The following PLCG1 variants were observed in gnomAD, a reference collection of about 807,000 sequenced individuals.
PLCG1 encodes 1-phosphatidylinositol 4,5-bisphosphate phosphodiesterase gamma-1.
In PLCG1, 71 loss-of-function variants were observed where a neutral mutation model predicts 177.8. That is an observed-to-expected ratio of 0.40 (90% CI 0.33 to 0.49). PLCG1 has a LOEUF of 0.49. PLCG1 is among the 20% of genes least tolerant of loss of function. The pLI, the probability that PLCG1 is intolerant of heterozygous loss-of-function variation, is 0.72. For missense variants in PLCG1, 1,281 were observed against 1,709.0 expected (o/e 0.75, Z 4.42); for synonymous variants, 658 against 647.9 (o/e 1.02, Z -0.24).
In PLCG1 at chr20:41,163,020, T is replaced by G. The variant is rs1467221889; in HGVS notation, c.716+28T>G. On this transcript the variant is annotated intron_variant, in intron 7 of 31. Coordinates refer to ENST00000685551, the MANE Select transcript of PLCG1 (RefSeq NM_002660.3). This position sits in a 1 kb window ranked among gnomAD's most constrained non-coding sequence, Gnocchi z 5.2. ...TTGGTTTGGAGTGGGGAGGTGGGGT[T>G]TTCCCTGGGCCCCCTTCATCTCTCC... The G allele has an allele frequency of 6.2e-7, 1 of 1,610,908 alleles. No individual in the cohort carries two copies. The highest frequency in any genetic ancestry group is 8.5e-7 in the Non-Finnish European group (1 of 1,177,260).
At chr20:41,139,460 A>G (rs1224486576) in intron 1 of PLCG1, among the ~76,000 whole-genome samples, 1 of 152,214 alleles carries the variant, frequency 6.6e-6, no homozygotes, top group Admixed American at 6.5e-5. Context: ...AACCACGCAT[A>G]TTAGCAGGCA....
intron 24 of PLCG1, among the ~76,000 whole-genome samples, chr20:41,171,479 C>T (rs1315620766): frequency 6.7e-6 from 1 of 148,330 alleles, no homozygotes; most frequent in Non-Finnish European, 1.5e-5. Context: ...CCCAGCTACT[C>T]GGGAGGCTGA....
chr20:41,138,120 A>AT, intron 1 of PLCG1: 1 of 309,836 alleles, frequency 3.2e-6, no homozygotes, highest in Non-Finnish European at 5.9e-6. Flanking sequence ...AGGCCTAAAA[A>AT]TCCTCGCGGG....
At position 41,168,884 on chromosome 20, in the gene PLCG1, G is replaced by A; in HGVS notation, c.2483+14G>A. On this transcript the variant is annotated intron_variant, in intron 21 of 31. Transcript: ENST00000685551. ...AGAGGGAGGCTGGTAAGCCAGTGGT[G>A]TGGTAGGCCCAGAGTCCAAGGGCCC... 1 of 1,566,784 alleles carries A rather than the reference G, an allele frequency of 6.4e-7. No homozygotes were observed. The highest frequency in any genetic ancestry group is 8.8e-7 in the Non-Finnish European group (1 of 1,138,910).
intron 21 of PLCG1, 64 bp downstream of exon 21, chr20:41,168,934 A>C: frequency 8.1e-7 from 1 of 1,239,688 alleles, no homozygotes; most frequent in Non-Finnish European, 1.2e-6. Flanking sequence ...CCCCAAAGAC[A>C]TGCATTTGTG....
rs571045466 is a variant in PLCG1 at position 41,159,802 on chromosome 20, A to T, written c.370+44A>T. 1.2e-6 allele frequency: 2 copies of T among 1,613,814 alleles called. No homozygotes were observed. Among genetic ancestry groups the T allele is most frequent in the South Asian group, 2.2e-5 (2 of 91,076 alleles). On this transcript the variant is annotated intron_variant, in intron 2 of 31. Coordinates refer to ENST00000685551, the MANE Select transcript of PLCG1 (RefSeq NM_002660.3). The surrounding 1 kb of genome is among the most constrained non-coding windows in gnomAD (Gnocchi z 6.0). ...GAGGAGGTAGAGGATAGTTAGGGGA[A>T]TGCCTGCTGGCTCCTGCCCAGTGGG...
rs555430620 is a variant in PLCG1 at position 41,151,006 on chromosome 20, C to T, written c.218-8600C>T. Among the ~76,000 whole-genome samples, 9 of 152,280 alleles carry T rather than the reference C, an allele frequency of 5.9e-5. No homozygotes were observed. The highest frequency in any genetic ancestry group is 1.4e-4 in the African/African-American group (6 of 41,552). On this transcript the variant is annotated intron_variant, in intron 1 of 31. Coordinates refer to ENST00000685551, the MANE Select transcript of PLCG1 (RefSeq NM_002660.3). This position sits in a 1 kb window ranked among gnomAD's most constrained non-coding sequence, Gnocchi z 5.5. The stretch of plus-strand genomic sequence containing the variant: ...GCCTGACATGGAGTAGATAGATGCC[C>T]GATAAATGTTTGATCAGATGATGGA...
At position 41,167,686 on chromosome 20, in the gene PLCG1, C is replaced by G. The variant is rs1295434743; in HGVS notation, c.2302-166C>G. On this transcript the variant is annotated intron_variant, in intron 19 of 31. Coordinates refer to ENST00000685551, the MANE Select transcript of PLCG1 (RefSeq NM_002660.3). This position sits in a 1 kb window ranked among gnomAD's most constrained non-coding sequence, Gnocchi z 4.4. ...AAGAAAGGAAAGGGAACAGTGAGGC[C>G]GGGCCTGAGGCCTCTGAAGCCGTCT... 1.6e-6 allele frequency: 1 copy of G among 610,158 alleles called. No individual in the cohort carries two copies. The highest frequency in any genetic ancestry group is 2.0e-5 in the South Asian group (1 of 50,786). The allele number at this position is 610,158 out of a possible 1,614,324, so 37.8% of individuals were successfully genotyped here.
Position 41,162,945 on chromosome 20 carries a change from C to T in PLCG1, c.682-13C>T. ...CCAGGGGTCTTGCCCTGACCAGGTTCTGTTTCCTGCAGATGGACCTCCCCT... is the reference window on the plus strand; with the variant it reads ...CCAGGGGTCTTGCCCTGACCAGGTTTTGTTTCCTGCAGATGGACCTCCCCT... On this transcript the variant is annotated splice_polypyrimidine_tract_variant and intron_variant, in intron 6 of 31. Coordinates refer to ENST00000685551, the MANE Select transcript of PLCG1 (RefSeq NM_002660.3). 1 of 1,613,800 alleles carries T rather than the reference C, an allele frequency of 6.2e-7. No individual in the cohort carries two copies. The highest frequency in any genetic ancestry group is 8.5e-7 in the Non-Finnish European group (1 of 1,179,674).
Position 41,159,915 on chromosome 20 carries a change from G to C in PLCG1, c.416G>C (p.Trp139Ser). The change falls in exon 3 of 32, where the codon TGG (tryptophan) becomes TCG (serine). Residue 139 changes from tryptophan (W) to serine (S), a missense_variant. Around this residue, in one of 4 missense-constraint regions of PLCG1, gnomAD observed 374 missense variants for 443.8 expected, o/e 0.84. Transcript: ENST00000685551. This position sits in a 1 kb window ranked among gnomAD's most constrained non-coding sequence, Gnocchi z 6.0. ...AACATGTGGATCAAGGGCTTAACTTGGCTGATGGAGGATACATTGCAGGCA... is the reference window on the plus strand; with the variant it reads ...AACATGTGGATCAAGGGCTTAACTTCGCTGATGGAGGATACATTGCAGGCA... ...EVNMWIKGLT[W>S]LMEDTLQAPT... 1 of 1,614,142 alleles carries C rather than the reference G, an allele frequency of 6.2e-7. No homozygotes were observed. The highest frequency in any genetic ancestry group is 8.5e-7 in the Non-Finnish European group (1 of 1,180,012).
intron 1 of PLCG1, among the ~76,000 whole-genome samples, chr20:41,143,014 C>T (rs1229225718): frequency 6.6e-6 from 1 of 152,214 alleles, no homozygotes; most frequent in Admixed American, 6.5e-5. Context: ...TTGCAGCTCT[C>T]AGCAGTCCCT....
At chr20:41,171,563 G>A (rs1170132694) in intron 24 of PLCG1, among the ~76,000 whole-genome samples, 1 of 144,170 alleles carries the variant, frequency 6.9e-6, no homozygotes, top group Non-Finnish European at 1.5e-5. Context: ...CTCCAGCCTG[G>A]GCGACAGAGC....
chr20:41,154,865 G>A (rs1453546781), intron 1 of PLCG1, among the ~76,000 whole-genome samples: 1 of 152,232 alleles, frequency 6.6e-6, no homozygotes, highest in Non-Finnish European at 1.5e-5. Flanking sequence ...GGGTTGTATA[G>A]CTTCACAGCT....
rs770710017 is a variant in PLCG1, at chr20:41,176,356, CAAG to C, written c.*1851_*1853del. 5 of 152,282 alleles carry C rather than the reference CAAG, an allele frequency of 3.3e-5. No homozygotes were observed. In the South Asian group the frequency reaches 8.3e-4, roughly 25 times the overall value. 9.4% of individuals were successfully genotyped at this position (152,282 alleles called of 1,614,324 possible). A position where few individuals can be genotyped will look rare whatever the true frequency, so the allele number is the denominator to read the frequency against. On this transcript the variant is annotated 3_prime_UTR_variant, in exon 32 of 32. Coordinates refer to ENST00000685551, the MANE Select transcript of PLCG1 (RefSeq NM_002660.3). ...GAGGAGGGTGGCTTTTTCCCATACA[CAAG>C]AAGGTGGTGGGTGGGAATTCACCTG...
Position 41,164,895 on chromosome 20 carries a change from C to T in PLCG1, c.1218-38C>T. On this transcript the variant is annotated intron_variant, in intron 12 of 31. Coordinates refer to ENST00000685551, the MANE Select transcript of PLCG1 (RefSeq NM_002660.3). This position sits in a 1 kb window ranked among gnomAD's most constrained non-coding sequence, Gnocchi z 6.4. ...GGGGCTACTTAGACCCAGAGAATTG[C>T]AGAATCTGTTTCACTGTGCTTGTCC... 1.3e-6 allele frequency: 2 copies of T among 1,592,210 alleles called. No individual in the cohort carries two copies. The highest frequency in any genetic ancestry group is 1.7e-6 in the Non-Finnish European group (2 of 1,165,148).
chr20:41,139,676 G>A (rs949471645), intron 1 of PLCG1, among the ~76,000 whole-genome samples: 2 of 152,138 alleles, frequency 1.3e-5, no homozygotes, highest in African/African-American at 2.4e-5. Flanking sequence ...ACACATAAAT[G>A]TTTAATAAAT....
intron 23 of PLCG1, 90 bp from the exon 24 acceptor site, chr20:41,170,022 G>A (rs554784764): frequency 5.1e-6 from 6 of 1,177,138 alleles, no homozygotes; most frequent in Non-Finnish European, 7.3e-6. Flanking sequence ...GGATGAGATA[G>A]AACTCATTTG....
chr20:41,154,832 G>A (rs1186810205), intron 1 of PLCG1, among the ~76,000 whole-genome samples: 11 of 152,232 alleles, frequency 7.2e-5, no homozygotes, highest in African/African-American at 2.7e-4. Context: ...CTCCTGCAGA[G>A]GCAGGTTCTC....
chr20:41,174,431 T>C lies in PLCG1; in HGVS notation c.3834-36T>C, dbSNP rs1193918847. On this transcript the variant is annotated intron_variant, in intron 31 of 31. Coordinates refer to ENST00000685551, the MANE Select transcript of PLCG1 (RefSeq NM_002660.3). The surrounding 1 kb of genome is among the most constrained non-coding windows in gnomAD (Gnocchi z 5.8). ...TGTCTGGCATTGGGCTGCAAGGCCC[T>C]GCCTGCCAGTAAGGACACTCTTCCC... 1.3e-6 allele frequency: 2 copies of C among 1,590,784 alleles called. No individual in the cohort carries two copies. Among genetic ancestry groups the C allele is most frequent in the Non-Finnish European group, 8.6e-7 (1 of 1,167,104 alleles).
Sources: gnomAD v4.1 joint callset for allele counts (sites outside exome capture counted in the v4.1 genomes callset) on GRCh38, gnomAD v4.1.1 for gene constraint, gnomAD v4.1.1 regional missense constraint, Gnocchi (gnomAD v3.1) non-coding constraint, MANE v1.5 for transcripts, NCBI Gene and HGNC (gene_info 2026-07-23, HGNC 2026-07-21) for gene names.